The following RANBP2 variants were observed in gnomAD, a reference collection of about 807,000 sequenced individuals.
RANBP2 encodes the protein E3 SUMO-protein ligase RanBP2.
A neutral mutation model predicts 303.6 loss-of-function variants in RANBP2; 57 were observed. The observed-to-expected ratio is 0.19, with a 90% confidence interval of 0.15 to 0.23. The LOEUF is 0.23. Ranked by LOEUF, RANBP2 falls within the 10% of genes least tolerant of loss-of-function variation. RANBP2 has a pLI of 1.00. For missense variants in RANBP2, 3,138 were observed against 3,780.8 expected (o/e 0.83, Z 4.46); for synonymous variants, 1,167 against 1,301.5 (o/e 0.90, Z 2.23).
chr2:109,267,223 T>G, the RANBP2 span, among the ~76,000 whole-genome samples: 2 of 152,124 alleles, frequency 1.3e-5, no homozygotes, highest in African/African-American at 4.8e-5. Context: ...TCCCTTCCTC[T>G]GAATAGGAAG....
At chr2:109,176,447 AGGGGCCAGCCAT>A in the RANBP2 span, among the ~76,000 whole-genome samples, 1 of 152,228 alleles carries the variant, frequency 6.6e-6, no homozygotes, top group Admixed American at 6.5e-5. Flanking sequence ...CAAAAGGCAT[AGGGGCCAGCCAT>A]GATGGCTCAT....
the RANBP2 span, among the ~76,000 whole-genome samples, chr2:108,830,191 A>T: frequency 6.6e-6 from 1 of 152,214 alleles, no homozygotes; most frequent in African/African-American, 2.4e-5. Context: ...GCTTCCGTGC[A>T]TGCAGTACCT....
the RANBP2 span, among the ~76,000 whole-genome samples, chr2:109,651,931 C>T: frequency 1.3e-5 from 2 of 152,204 alleles, no homozygotes; most frequent in Non-Finnish European, 2.9e-5. Context: ...GAAGGTTGCA[C>T]ATGTGCTCAG....
chr2:109,373,951 T>A, the RANBP2 span, among the ~76,000 whole-genome samples: 1 of 152,122 alleles, frequency 6.6e-6, no homozygotes, highest in African/African-American at 2.4e-5. Context: ...CAGCAGGCTC[T>A]CTGTCATCTC....
the RANBP2 span, among the ~76,000 whole-genome samples, chr2:108,938,728 G>A: frequency 2.6e-5 from 4 of 151,930 alleles, no homozygotes; most frequent in South Asian, 8.3e-4. Flanking sequence ...AATCAGAAAA[G>A]TTATCATAAC....
the RANBP2 span, chr2:108,813,012 G>A: frequency 4.9e-6 from 5 of 1,019,704 alleles, no homozygotes; most frequent in Middle Eastern, 3.1e-4. Context: ...CACTTTGGGA[G>A]GCTGAGATGG....
chr2:109,449,271 C>A, the RANBP2 span: 1 of 1,611,680 alleles, frequency 6.2e-7, no homozygotes, highest in Non-Finnish European at 8.5e-7. Flanking sequence ...CAGCCTCAGG[C>A]CCCACTCGGT....
chr2:109,148,695 T>A, the RANBP2 span, among the ~76,000 whole-genome samples: 2 of 152,244 alleles, frequency 1.3e-5, no homozygotes, highest in African/African-American at 4.8e-5. Context: ...AGTGCATTCA[T>A]GGCTGAAGAA....
the RANBP2 span, among the ~76,000 whole-genome samples, chr2:109,432,126 GA>G: frequency 6.6e-6 from 1 of 152,180 alleles, no homozygotes; most frequent in Non-Finnish European, 1.5e-5. Context: ...TTTAGAAGAG[GA>G]AAACACTGGA....
the RANBP2 span, among the ~76,000 whole-genome samples, chr2:109,233,600 A>G: frequency 6.6e-6 from 1 of 152,188 alleles, no homozygotes; most frequent in Admixed American, 6.5e-5. Context: ...TCCAGGCTTG[A>G]GGGTGGGGCC....
chr2:108,798,605 AT>A, the RANBP2 span: 13 of 1,534,238 alleles, frequency 8.5e-6, no homozygotes, highest in East Asian at 2.9e-4. Flanking sequence ...ATAGCCTTTG[AT>A]TTTAGAGTGG....
chr2:109,525,320 A>T, the RANBP2 span, among the ~76,000 whole-genome samples: 1 of 151,846 alleles, frequency 6.6e-6, no homozygotes, highest in Non-Finnish European at 1.5e-5. Context: ...ACGCCCAGCT[A>T]ATTTTTTTTG....
At chr2:108,829,744 A>AATAC in the RANBP2 span, among the ~76,000 whole-genome samples, 1 of 152,168 alleles carries the variant, frequency 6.6e-6, no homozygotes, top group South Asian at 2.1e-4. Context: ...AGACTGTGTC[A>AATAC]ATACATACAT....
the RANBP2 span, among the ~76,000 whole-genome samples, chr2:109,589,107 T>C: frequency 6.7e-6 from 1 of 150,146 alleles, no homozygotes; most frequent in African/African-American, 2.5e-5. Context: ...TTGTGGTTTT[T>C]TTGTTTGTTT....
At chr2:109,406,094 G>T in the RANBP2 span, among the ~76,000 whole-genome samples, 2 of 152,292 alleles carry the variant, frequency 1.3e-5, no homozygotes, top group East Asian at 3.9e-4. Flanking sequence ...CAGATGGCCC[G>T]TCCTGCTCAT....
chr2:109,343,469 G>A, the RANBP2 span, among the ~76,000 whole-genome samples: 2 of 152,118 alleles, frequency 1.3e-5, no homozygotes, highest in Admixed American at 1.3e-4. Flanking sequence ...CTGAGATGGG[G>A]ATACAGGGGG....
At chr2:109,595,445 A>G in the RANBP2 span, among the ~76,000 whole-genome samples, 2 of 152,194 alleles carry the variant, frequency 1.3e-5, no homozygotes, top group African/African-American at 4.8e-5. Flanking sequence ...AAGGCCCCCC[A>G]GTCCCAGTCA....
chr2:109,190,292 A>G, the RANBP2 span, among the ~76,000 whole-genome samples: 122,727 of 151,884 alleles, frequency 0.81, 49,696 homozygotes, highest in South Asian at 0.86. Context: ...TTCTGCCTCA[A>G]CCTCCTGAGT....
At chr2:109,268,498 G>A in the RANBP2 span, among the ~76,000 whole-genome samples, 1 of 152,166 alleles carries the variant, frequency 6.6e-6, no homozygotes, top group African/African-American at 2.4e-5. Flanking sequence ...GGCCTCCCAA[G>A]CAACCTCTGT....
Sources: allele counts gnomAD v4.1 joint callset (sites outside exome capture counted in the v4.1 genomes callset), GRCh38; gene constraint gnomAD v4.1.1; transcripts MANE v1.5; gene names NCBI Gene and HGNC (gene_info 2026-07-23, HGNC 2026-07-21).